ANXA8: variants seen among roughly 807,000 people sequenced by gnomAD.
ANXA8 encodes the protein annexin A8, also known as VAC-beta.
ANXA8 carries 9 observed loss-of-function variants against 26.8 expected under a neutral mutation model. That is an observed-to-expected ratio of 0.34 (90% CI 0.20 to 0.59). The LOEUF (loss-of-function observed/expected upper bound fraction) is 0.59. Among genes scored for constraint, ANXA8 ranks in the 20% least tolerant of loss-of-function variants. The probability of loss-of-function intolerance (pLI) is 0.84; values close to 1 mark genes in which losing one functional copy is unlikely to be tolerated. For synonymous variants in ANXA8, 39 were observed against 94.8 expected (o/e 0.41, Z 3.42); for missense variants, 83 against 238.5 (o/e 0.35, Z 4.29).
the ANXA8 span, among the ~76,000 whole-genome samples, chr10:47,630,421 G>A: frequency 6.7e-6 from 1 of 149,770 alleles, no homozygotes; most frequent in Non-Finnish European, 1.5e-5. Context: ...AAATGTTATT[G>A]AGGTTAAACT....
chr10:47,982,731 T>C, the ANXA8 span, among the ~76,000 whole-genome samples: 14 of 142,282 alleles, frequency 9.8e-5, no homozygotes, highest in African/African-American at 3.6e-4. Flanking sequence ...TTGACAGCTT[T>C]TGTGCTTCAA....
the ANXA8 span, chr10:47,502,580 G>A: frequency 9.3e-6 from 15 of 1,608,638 alleles, no homozygotes; most frequent in East Asian, 6.8e-5. Context: ...TCCAGAGATC[G>A]CACACGGGAA....
At chr10:47,763,743 G>C in the ANXA8 span, among the ~76,000 whole-genome samples, 2 of 149,908 alleles carry the variant, frequency 1.3e-5, no homozygotes, top group South Asian at 4.3e-4. Context: ...CGTCTGAGTG[G>C]GGAGCGAAAG....
chr10:47,483,043 G>C (rs1469103132), intron 1 of ANXA8, among the ~76,000 whole-genome samples: 2,241 of 150,356 alleles, frequency 0.015, 2 homozygotes, highest in Non-Finnish European at 0.024. Context: ...TGCAGAGCCG[G>C]CAGCCGGGAG....
At chr10:47,709,743 G>C in the ANXA8 span, among the ~76,000 whole-genome samples, 1 of 103,050 alleles carries the variant, frequency 9.7e-6, no homozygotes, top group Non-Finnish European at 1.9e-5. Flanking sequence ...GCCTCGTGTG[G>C]AAAGAGTAAG....
chr10:47,710,117 C>G, the ANXA8 span: 1 of 480,542 alleles, frequency 2.1e-6, no homozygotes, highest in Non-Finnish European at 3.6e-6. Context: ...TATTTTATAT[C>G]TAATCATACT....
At chr10:47,586,129 A>G in the ANXA8 span, among the ~76,000 whole-genome samples, 1 of 137,800 alleles carries the variant, frequency 7.3e-6, no homozygotes, top group Non-Finnish European at 1.5e-5. Flanking sequence ...TGCTAAACCC[A>G]TCTGTGCACT....
the ANXA8 span, among the ~76,000 whole-genome samples, chr10:47,498,060 G>T: frequency 1.3e-5 from 2 of 150,400 alleles, no homozygotes; most frequent in African/African-American, 4.9e-5. Context: ...CTTGGGTTGG[G>T]TAATGTATAT....
the ANXA8 span, among the ~76,000 whole-genome samples, chr10:47,534,653 T>TA: frequency 2.9e-4 from 29 of 100,174 alleles, 1 homozygote; most frequent in African/African-American, 1.0e-3. Context: ...CCAGTTATAA[T>TA]TTTTTTTTTT....
At chr10:47,980,469 CAA>C in the ANXA8 span, among the ~76,000 whole-genome samples, 6 of 151,672 alleles carry the variant, frequency 4.0e-5, no homozygotes, top group Non-Finnish European at 7.4e-5. Flanking sequence ...AGGGAAAAAA[CAA>C]GAGTAATTGC....
At chr10:47,591,168 T>A in the ANXA8 span, among the ~76,000 whole-genome samples, 2 of 145,736 alleles carry the variant, frequency 1.4e-5, no homozygotes, top group African/African-American at 2.8e-5. Flanking sequence ...TAGGCTCCAC[T>A]GCTCATGCAT....
the ANXA8 span, among the ~76,000 whole-genome samples, chr10:47,673,245 A>G: frequency 3.3e-5 from 5 of 151,680 alleles, no homozygotes; most frequent in African/African-American, 1.2e-4. Flanking sequence ...GAACTGGCAT[A>G]GATAATACCT....
chr10:47,939,518 C>A, the ANXA8 span, among the ~76,000 whole-genome samples: 3 of 144,036 alleles, frequency 2.1e-5, no homozygotes, highest in African/African-American at 8.3e-5. Context: ...CCCCCAACAC[C>A]CTCCATAAGC....
chr10:47,637,387 C>A, the ANXA8 span, among the ~76,000 whole-genome samples: 3 of 150,062 alleles, frequency 2.0e-5, no homozygotes, highest in Admixed American at 6.6e-5. Context: ...AATTTTACTG[C>A]ACTAACAAAT....
the ANXA8 span, among the ~76,000 whole-genome samples, chr10:47,546,334 T>TAA: frequency 7.7e-6 from 1 of 130,110 alleles, no homozygotes; most frequent in African/African-American, 2.8e-5. Context: ...TAGAATTAAG[T>TAA]AAAAAAACAG....
chr10:47,756,390 T>G, the ANXA8 span, among the ~76,000 whole-genome samples: 1 of 113,190 alleles, frequency 8.8e-6, no homozygotes, highest in Non-Finnish European at 1.8e-5. Context: ...GGCTGAGGAG[T>G]GCACTGCCCT....
the ANXA8 span, among the ~76,000 whole-genome samples, chr10:47,902,132 C>T: frequency 6.6e-6 from 1 of 151,802 alleles, no homozygotes; most frequent in African/African-American, 2.4e-5. Context: ...ACTTGGTAGC[C>T]TGTTAATATC....
upstream of ANXA8, chr10:47,484,215 G>C (rs1400807545): frequency 6.8e-6 from 5 of 735,240 alleles, no homozygotes; most frequent in Non-Finnish European, 1.2e-5. Context: ...TATTTGGGCT[G>C]TGGCTGTTAC....
At chr10:47,570,302 T>G in the ANXA8 span, among the ~76,000 whole-genome samples, 1 of 134,834 alleles carries the variant, frequency 7.4e-6, no homozygotes, top group Non-Finnish European at 1.6e-5. Flanking sequence ...TTTAATAAAA[T>G]GCTTGCCCTA....
Sources: allele counts gnomAD v4.1 joint callset (sites outside exome capture counted in the v4.1 genomes callset), GRCh38; gene constraint gnomAD v4.1.1; transcripts MANE v1.5; gene names NCBI Gene and HGNC (gene_info 2026-07-23, HGNC 2026-07-21).